The following GLO1 variants were observed in gnomAD, a reference collection of about 807,000 sequenced individuals.
The protein encoded by GLO1 is lactoylglutathione lyase.
A neutral mutation model predicts 26.0 loss-of-function variants in GLO1; 28 were observed. The ratio of observed to expected loss-of-function variants is 1.08; its 90% CI spans 0.80 to 1.48. The LOEUF (loss-of-function observed/expected upper bound fraction) is 1.48, where lower values mean the gene tolerates loss of function less well. GLO1 is among the 40% of genes most tolerant of loss of function. The probability of loss-of-function intolerance (pLI) is 0.00; values close to 1 mark genes in which losing one functional copy is unlikely to be tolerated. For missense variants in GLO1, 225 were observed against 224.8 expected, an observed-to-expected ratio of 1.00 and a Z score of -0.01; for synonymous variants, 78 against 77.6, an observed-to-expected ratio of 1.00 and a Z score of -0.03.
At chr6:38,678,863 T>C (rs1175232988) in intron 5 of GLO1, among the ~76,000 whole-genome samples, 1 of 151,458 alleles carries the variant, frequency 6.6e-6, no homozygotes, top group Non-Finnish European at 1.5e-5. Context: ...AATTTAAGTC[T>C]CATTTCTAGG....
rs745551348 is a variant in GLO1, at chr6:38,678,292, G to A, written c.467-909C>T. On this transcript the variant is annotated intron_variant, in intron 5 of 5. Transcript: ENST00000373365. ...GATCAATCCTAGAGGAACATAGATGGAAAATGCAGGAAAAAGAAAGAAAGA... is the reference window on the plus strand; with the variant it reads ...GATCAATCCTAGAGGAACATAGATGAAAAATGCAGGAAAAAGAAAGAAAGA... Among the ~76,000 whole-genome samples the A allele has an allele frequency of 6.6e-4, 99 of 149,998 alleles. 1 individual carries two copies. Among genetic ancestry groups the A allele is most frequent in the Admixed American group, 3.8e-3 (57 of 14,922 alleles).
At chr6:38,685,711 A>G (rs1452445977) in intron 2 of GLO1, among the ~76,000 whole-genome samples, 1 of 152,228 alleles carries the variant, frequency 6.6e-6, no homozygotes, top group Non-Finnish European at 1.5e-5. Flanking sequence ...CTACTAAAGC[A>G]GACTACACAA....
At chr6:38,692,400 C>A (rs1761544157) in intron 1 of GLO1, among the ~76,000 whole-genome samples, 1 of 152,136 alleles carries the variant, frequency 6.6e-6, no homozygotes, top group Admixed American at 6.5e-5. Flanking sequence ...TACCCTGCAA[C>A]CTTGCTGAAC....
intron 5 of GLO1, among the ~76,000 whole-genome samples, chr6:38,680,601 C>A (rs1487203942): frequency 1.3e-5 from 2 of 152,154 alleles, no homozygotes; most frequent in Non-Finnish European, 2.9e-5. Flanking sequence ...CCAAAAGATG[C>A]TAAAAAGGCT....
rs373726645 is a variant in GLO1, at chr6:38,683,688, C to A, written c.308+686G>T. ...AGATCACGAGGTCAGGAGATCGAGA[C>A]CATCCTGGCTAACATGGTGAAACCC... On this transcript the variant is annotated intron_variant, in intron 3 of 5. Transcript: ENST00000373365. 1.5e-4 allele frequency among the ~76,000 whole-genome samples: 23 copies of A among 151,946 alleles called. 1 individual carries two copies. Among genetic ancestry groups the A allele is most frequent in the African/African-American group, 5.6e-4 (23 of 41,434 alleles).
At chr6:38,697,771 G>A (rs1026287963) in intron 1 of GLO1, among the ~76,000 whole-genome samples, 8 of 152,150 alleles carry the variant, frequency 5.3e-5, no homozygotes, top group African/African-American at 1.7e-4. Flanking sequence ...GAACAAAGTG[G>A]TTTTCACCAG....
chr6:38,681,929 G>T (rs1761386410), intron 5 of GLO1, 83 bp downstream of exon 5: 1 of 767,368 alleles, frequency 1.3e-6, no homozygotes, highest in Non-Finnish European at 2.4e-6. Flanking sequence ...AGCCAAAAGG[G>T]TTTTACTACA....
intron 2 of GLO1, among the ~76,000 whole-genome samples, chr6:38,685,070 C>T (rs917877827): frequency 3.3e-5 from 5 of 152,060 alleles, no homozygotes; most frequent in Admixed American, 3.3e-4. Flanking sequence ...AAAGGTCAAA[C>T]AGTATTAAGA....
intron 1 of GLO1, among the ~76,000 whole-genome samples, chr6:38,697,446 G>A (rs978200785): frequency 6.6e-6 from 1 of 152,134 alleles, no homozygotes; most frequent in Non-Finnish European, 1.5e-5. Context: ...AGGGCAGAAG[G>A]CCCCATGTAC....
intron 1 of GLO1, among the ~76,000 whole-genome samples, chr6:38,696,533 A>G (rs994978730): frequency 3.7e-4 from 57 of 152,328 alleles, no homozygotes; most frequent in African/African-American, 1.3e-3. Flanking sequence ...GTGACCTCAC[A>G]TGGCAGAAGG....
chr6:38,695,620 C>G (rs1273069141), intron 1 of GLO1, among the ~76,000 whole-genome samples: 1 of 152,086 alleles, frequency 6.6e-6, no homozygotes, highest in Non-Finnish European at 1.5e-5. Context: ...ACCCAGCCTT[C>G]CCCCACATCA....
At chr6:38,698,902 G>A (rs1329390242) in intron 1 of GLO1, among the ~76,000 whole-genome samples, 2 of 151,946 alleles carry the variant, frequency 1.3e-5, no homozygotes, top group East Asian at 1.9e-4. Context: ...TTTTTAAGTG[G>A]CCTAATCACC....
In GLO1 at chr6:38,687,141, C is replaced by A. The variant is rs974180970; in HGVS notation, c.85-167G>T. The A allele has an allele frequency of 2.0e-5, 20 of 982,016 alleles. No homozygotes were observed. In the African/African-American group the frequency reaches 3.2e-4, roughly 15 times the overall value. The allele number at this position is 982,016 out of a possible 1,614,324, so 60.8% of individuals were successfully genotyped here. A position where few individuals can be genotyped will look rare whatever the true frequency, so the allele number is the denominator to read the frequency against. ...TCTGGTTGCAGGCCCCTGTGTGATG[C>A]AAGTCCAAAGTGTCAGAAAGTTTCC... On this transcript the variant is annotated intron_variant, in intron 1 of 5. Transcript: ENST00000373365.
chr6:38,702,617 G>A (rs1035964634), intron 1 of GLO1, among the ~76,000 whole-genome samples: 49 of 152,274 alleles, frequency 3.2e-4, no homozygotes, highest in African/African-American at 1.1e-3. Context: ...GTACAGGACA[G>A]GCATCTTTGA....
intron 2 of GLO1, 145 bp downstream of exon 2, chr6:38,686,747 T>A: frequency 1.7e-6 from 1 of 572,300 alleles, no homozygotes; most frequent in Non-Finnish European, 3.1e-6. Context: ...AGAGAAGCCC[T>A]GTCCAGCCAG....
rs776834649 is a variant in GLO1, at chr6:38,676,966, A to G, written c.*329T>C. 9.8e-6 allele frequency: 2 copies of G among 204,692 alleles called. No individual in the cohort carries two copies. Among genetic ancestry groups the G allele is most frequent in the Non-Finnish European group, 1.9e-5 (2 of 103,762 alleles). The allele number at this position is 204,692 out of a possible 1,614,324, so 12.7% of individuals were successfully genotyped here. ...AAAACATGTTAATTTTTTTTTAAAA[A>G]TGATGATTCAAAGGCAGATTTGAAG... On this transcript the variant is annotated 3_prime_UTR_variant, in exon 6 of 6. Transcript: ENST00000373365.
At chr6:38,686,256 G>A (rs904805755) in intron 2 of GLO1, among the ~76,000 whole-genome samples, 1 of 152,154 alleles carries the variant, frequency 6.6e-6, no homozygotes, top group Non-Finnish European at 1.5e-5. Context: ...GTGAATGGAA[G>A]TTATCTAGGC....
At position 38,684,517 on chromosome 6, in the gene GLO1, G is replaced by GTATAAAAATC; in HGVS notation, c.168-4_168-3insGATTTTTATA. 6.7e-7 allele frequency: 1 copy of GTATAAAAATC among 1,497,596 alleles called. No homozygotes were observed. The highest frequency in any genetic ancestry group is 8.9e-7 in the Non-Finnish European group (1 of 1,122,220). The allele number at this position is 1,497,596 out of a possible 1,614,324, so 92.8% of individuals were successfully genotyped here. On this transcript the variant is annotated splice_polypyrimidine_tract_variant and splice_region_variant and intron_variant, in intron 2 of 5. Transcript: ENST00000373365. The stretch of plus-strand genomic sequence containing the variant: ...GAAAATCACATTTTTGGATTAGCCT[G>GTATAAAAATC]CAATGAAAAAACAACAAGCCTGAAT...
chr6:38,684,779 G>A (rs1761438056), intron 2 of GLO1, among the ~76,000 whole-genome samples: 2 of 152,130 alleles, frequency 1.3e-5, no homozygotes, highest in East Asian at 3.8e-4. Context: ...TATGGTACTT[G>A]TTAATAAATA....
Sources: gnomAD v4.1 joint callset for allele counts (sites outside exome capture counted in the v4.1 genomes callset) on GRCh38, gnomAD v4.1.1 for gene constraint, MANE v1.5 for transcripts, NCBI Gene and HGNC (gene_info 2026-07-23, HGNC 2026-07-21) for gene names.